Variants in RHAG observed in about 807,000 individuals in gnomAD.
The protein encoded by RHAG is ammonium transporter Rh type A.
RHAG carries 25 observed loss-of-function variants against 42.4 expected under a neutral mutation model. The observed-to-expected ratio is 0.59, with a 90% confidence interval of 0.43 to 0.82. The LOEUF is 0.82. Among genes scored for constraint, RHAG ranks in the 40% least tolerant of loss-of-function variants. The pLI is 0.00. For missense variants in RHAG, 483 were observed against 504.6 expected, an observed-to-expected ratio of 0.96 and a Z score of 0.41; for synonymous variants, 182 against 177.7, an observed-to-expected ratio of 1.02 and a Z score of -0.19.
At chr6:49,628,137 C>G (rs1386071504) in intron 1 of RHAG, among the ~76,000 whole-genome samples, 2 of 19,878 alleles carry the variant, frequency 1.0e-4, no homozygotes, top group Admixed American at 7.0e-4. Context: ...GTGTGTGAGA[C>G]ACACACACAC....
At chr6:49,615,322 G>T in intron 4 of RHAG, 1 of 279,568 alleles carries the variant, frequency 3.6e-6, no homozygotes, top group South Asian at 4.9e-5. Context: ...TAAGAGAAAA[G>T]AGGAGAATTG....
At chr6:49,618,371 T>C (rs1562015274) in intron 2 of RHAG, among the ~76,000 whole-genome samples, 153 bp from the exon 3 acceptor site, 1 of 152,236 alleles carries the variant, frequency 6.6e-6, no homozygotes, top group Non-Finnish European at 1.5e-5. Flanking sequence ...GACCAGACAC[T>C]CTTTAATTGC....
intron 5 of RHAG, 30 bp from the exon 6 acceptor site, chr6:49,612,564 T>G (rs1762585990): frequency 1.2e-6 from 2 of 1,613,468 alleles, no homozygotes; most frequent in Admixed American, 1.7e-5. Flanking sequence ...ATAAATGAGG[T>G]GAGCTGGATG....
At chr6:49,636,149 A>G (rs1230451177) in intron 1 of RHAG, among the ~76,000 whole-genome samples, 1 of 152,136 alleles carries the variant, frequency 6.6e-6, no homozygotes, top group Non-Finnish European at 1.5e-5. Context: ...CTTTCAGAAT[A>G]TTGTAAAACT....
At chr6:49,619,107 T>G in intron 2 of RHAG, 72 bp downstream of exon 2, 3 of 1,501,422 alleles carry the variant, frequency 2.0e-6, no homozygotes, top group Non-Finnish European at 2.8e-6. Context: ...AATATCATCA[T>G]GTTGGAGGTT....
intron 3 of RHAG, among the ~76,000 whole-genome samples, chr6:49,616,124 A>G (rs1441330435): frequency 6.6e-6 from 1 of 152,182 alleles, no homozygotes; most frequent in Non-Finnish European, 1.5e-5. Context: ...CTAAAGTGCT[A>G]GTTCCCTGGT....
intron 1 of RHAG, among the ~76,000 whole-genome samples, chr6:49,626,931 G>A (rs1762853345): frequency 6.6e-6 from 1 of 152,234 alleles, no homozygotes; most frequent in South Asian, 2.1e-4. Flanking sequence ...ACCCCTTTTA[G>A]CCATGACTGG....
chr6:49,620,618 G>A (rs1429718465), intron 1 of RHAG, among the ~76,000 whole-genome samples: 3 of 151,880 alleles, frequency 2.0e-5, no homozygotes, highest in South Asian at 4.2e-4. Context: ...TGCAACCTCC[G>A]CCTCCCAAGT....
chr6:49,633,257 G>A (rs1013519198), intron 1 of RHAG, among the ~76,000 whole-genome samples: 1 of 152,092 alleles, frequency 6.6e-6, no homozygotes, highest in Non-Finnish European at 1.5e-5. Context: ...TCTTGGGGAG[G>A]AACCGAGCCT....
intron 3 of RHAG, among the ~76,000 whole-genome samples, chr6:49,616,581 G>A (rs1395398776): frequency 6.6e-6 from 1 of 151,970 alleles, no homozygotes; most frequent in Admixed American, 6.6e-5. Context: ...GATATGATGT[G>A]GTTTTGACCC....
At position 49,630,305 on chromosome 6, in the gene RHAG, C is replaced by T. The variant is rs143023408; in HGVS notation, c.157+6351G>A. Among the ~76,000 whole-genome samples, 344 of 152,324 alleles carry T rather than the reference C, an allele frequency of 2.3e-3. 2 individuals are homozygous for T. The highest frequency in any genetic ancestry group is 7.8e-3 in the African/African-American group (323 of 41,574). Reference sequence around the variant, plus strand: ...TTGATGGAACACTGCCAGTTAGACACTTTTGCAGGAGAAAGTGAATGCAAG... The same window carrying T: ...TTGATGGAACACTGCCAGTTAGACATTTTTGCAGGAGAAAGTGAATGCAAG... On this transcript the variant is annotated intron_variant, in intron 1 of 9. Transcript: ENST00000371175.
At chr6:49,631,519 T>C (rs1762936148) in intron 1 of RHAG, among the ~76,000 whole-genome samples, 1 of 152,174 alleles carries the variant, frequency 6.6e-6, no homozygotes, top group Non-Finnish European at 1.5e-5. Context: ...ATTTTAACAC[T>C]CCATGTATTC....
At chr6:49,628,080 C>T (rs1404327210) in intron 1 of RHAG, among the ~76,000 whole-genome samples, 3 of 151,704 alleles carry the variant, frequency 2.0e-5, no homozygotes, top group African/African-American at 7.3e-5. Flanking sequence ...GTATATATGC[C>T]AGCTGCTTGG....
chr6:49,636,836 C>G lies in RHAG; in HGVS notation c.-24G>C, dbSNP rs1451866969. 3.7e-6 allele frequency: 6 copies of G among 1,613,108 alleles called. No homozygotes were observed. In the East Asian group the frequency reaches 1.3e-4, roughly 36 times the overall value. ...ATGTTTGTGGCAAAGGACAGAGGCA[C>G]ACTGAGAGCTTCACAGGCTGTGAGA... On this transcript the variant is annotated 5_prime_UTR_variant, in exon 1 of 10. Transcript: ENST00000371175.
chr6:49,611,191 A>T (rs1762563939), intron 6 of RHAG, 46 bp from the exon 7 acceptor site: 1 of 1,473,760 alleles, frequency 6.8e-7, no homozygotes, highest in South Asian at 1.1e-5. Flanking sequence ...TTAAACATAT[A>T]GAACTCTAGA....
At chr6:49,617,313 C>T (rs1406996532) in intron 3 of RHAG, among the ~76,000 whole-genome samples, 2 of 152,194 alleles carry the variant, frequency 1.3e-5, no homozygotes, top group Non-Finnish European at 2.9e-5. Context: ...GTTACACTTT[C>T]TCATAGACCT....
chr6:49,631,299 C>T (rs1762932147), intron 1 of RHAG, among the ~76,000 whole-genome samples: 1 of 152,150 alleles, frequency 6.6e-6, no homozygotes. Context: ...ATGATTTTAG[C>T]TTCCATGATG....
chr6:49,617,484 A>T (rs1400092557), intron 3 of RHAG, among the ~76,000 whole-genome samples: 1 of 143,590 alleles, frequency 7.0e-6, no homozygotes, highest in African/African-American at 2.4e-5. Context: ...TTTGTTTGTC[A>T]TTGAGTCCCC....
At chr6:49,624,050 A>G (rs1415514818) in intron 1 of RHAG, among the ~76,000 whole-genome samples, 1 of 152,162 alleles carries the variant, frequency 6.6e-6, no homozygotes, top group Non-Finnish European at 1.5e-5. Context: ...CATTTTCCTG[A>G]AAGTTGTTAA....
Sources: gnomAD v4.1 joint callset for allele counts (sites outside exome capture counted in the v4.1 genomes callset) on GRCh38, gnomAD v4.1.1 for gene constraint, MANE v1.5 for transcripts, NCBI Gene and HGNC (gene_info 2026-07-23, HGNC 2026-07-21) for gene names.